RNF180: variants seen among roughly 807,000 people sequenced by gnomAD.
RNF180 encodes the protein E3 ubiquitin-protein ligase RNF180.
In RNF180, 38 loss-of-function variants were observed where a neutral mutation model predicts 59.2. The ratio of observed to expected loss-of-function variants is 0.64; its 90% CI spans 0.50 to 0.84. RNF180 has a LOEUF of 0.84. RNF180 is among the 40% of genes least tolerant of loss of function. The probability of loss-of-function intolerance (pLI) is 0.00; values close to 1 mark genes in which losing one functional copy is unlikely to be tolerated. For missense variants in RNF180, 705 were observed against 700.9 expected (o/e 1.01, Z -0.07); for synonymous variants, 262 against 240.3 (o/e 1.09, Z -0.84).
intron 1 of RNF180, among the ~76,000 whole-genome samples, chr5:64,179,510 G>A (rs931435781): frequency 5.3e-5 from 8 of 151,940 alleles, no homozygotes; most frequent in African/African-American, 1.9e-4. Context: ...ATCTTACTGT[G>A]CTGTGTTATT....
At chr5:64,207,642 G>A (rs1029957969) in intron 2 of RNF180, among the ~76,000 whole-genome samples, 1 of 152,074 alleles carries the variant, frequency 6.6e-6, no homozygotes, top group African/African-American at 2.4e-5. Flanking sequence ...GAATTAGAAA[G>A]GTACCAAGAA....
chr5:64,271,745 C>G (rs1408310949), intron 5 of RNF180, among the ~76,000 whole-genome samples: 1 of 148,232 alleles, frequency 6.7e-6, no homozygotes, highest in Non-Finnish European at 1.5e-5. Context: ...TTGTGCTTTT[C>G]TAGGAATTTT....
At chr5:64,291,367 G>A (rs1176815959) in intron 5 of RNF180, among the ~76,000 whole-genome samples, 1 of 150,366 alleles carries the variant, frequency 6.7e-6, no homozygotes, top group Non-Finnish European at 1.5e-5. Context: ...TGGAATGTTG[G>A]CCTTCTTGTT....
intron 1 of RNF180, among the ~76,000 whole-genome samples, chr5:64,182,081 T>C (rs959315973): frequency 6.8e-6 from 1 of 148,084 alleles, no homozygotes; most frequent in Non-Finnish European, 1.5e-5. Flanking sequence ...AGCTCCGCCT[T>C]CCAGGTTCAC....
chr5:64,215,650 T>C (rs966534455), intron 4 of RNF180, among the ~76,000 whole-genome samples: 1 of 152,060 alleles, frequency 6.6e-6, no homozygotes, highest in African/African-American at 2.4e-5. Flanking sequence ...TACTTCATAG[T>C]TTAACTTAAA....
intron 3 of RNF180, among the ~76,000 whole-genome samples, chr5:64,213,158 A>G (rs1245713188): frequency 6.6e-6 from 1 of 152,192 alleles, no homozygotes; most frequent in Non-Finnish European, 1.5e-5. Context: ...CTTGGTATGC[A>G]AGAAGTGTAT....
intron 5 of RNF180, among the ~76,000 whole-genome samples, chr5:64,239,404 T>C (rs771672947): frequency 7.2e-5 from 11 of 152,212 alleles, no homozygotes; most frequent in Non-Finnish European, 1.2e-4. Flanking sequence ...TTGCTCCTAG[T>C]AGTAATTGCT....
intron 7 of RNF180, among the ~76,000 whole-genome samples, chr5:64,339,872 T>C (rs1384940492): frequency 6.6e-6 from 1 of 152,146 alleles, no homozygotes; most frequent in Non-Finnish European, 1.5e-5. Flanking sequence ...TTTTTTCTTC[T>C]TACAAATACA....
At chr5:64,231,643 G>A (rs1181346495) in intron 5 of RNF180, among the ~76,000 whole-genome samples, 1 of 152,196 alleles carries the variant, frequency 6.6e-6, no homozygotes, top group Non-Finnish European at 1.5e-5. Context: ...AATAGTTTGG[G>A]GAATAGTGTA....
intron 5 of RNF180, among the ~76,000 whole-genome samples, chr5:64,301,318 A>G (rs1373971328): frequency 6.6e-6 from 1 of 151,782 alleles, no homozygotes; most frequent in Admixed American, 6.6e-5. Flanking sequence ...TATGAACCTT[A>G]TCTCAAAGGA....
At chr5:64,350,214 C>T (rs1229039389) in intron 7 of RNF180, among the ~76,000 whole-genome samples, 2 of 152,220 alleles carry the variant, frequency 1.3e-5, no homozygotes, top group South Asian at 4.1e-4. Context: ...TAAATGTCTT[C>T]TTTTGAGAAG....
intron 5 of RNF180, among the ~76,000 whole-genome samples, chr5:64,220,012 CAT>C (rs1233500022): frequency 6.6e-6 from 1 of 152,096 alleles, no homozygotes; most frequent in Admixed American, 6.6e-5. Context: ...GTCAAAATTA[CAT>C]GTTTAACATT....
intron 1 of RNF180, among the ~76,000 whole-genome samples, chr5:64,172,052 T>A (rs766211278): frequency 1.3e-5 from 2 of 152,204 alleles, no homozygotes; most frequent in Non-Finnish European, 2.9e-5. Context: ...CAGTAATGTC[T>A]TTGGGCATCA....
At chr5:64,359,692 A>G (rs1746169415) in intron 7 of RNF180, among the ~76,000 whole-genome samples, 2 of 151,634 alleles carry the variant, frequency 1.3e-5, no homozygotes, top group Non-Finnish European at 2.9e-5. Flanking sequence ...TTGGTGTTTT[A>G]GACATGAAGT....
At chr5:64,206,076 G>A (rs1446016507) in intron 2 of RNF180, among the ~76,000 whole-genome samples, 1 of 152,168 alleles carries the variant, frequency 6.6e-6, no homozygotes, top group African/African-American at 2.4e-5. Flanking sequence ...AATTCTAGAG[G>A]GAGCTAGTTT....
intron 5 of RNF180, among the ~76,000 whole-genome samples, chr5:64,295,795 A>T (rs1742855885): frequency 6.6e-6 from 1 of 152,068 alleles, no homozygotes; most frequent in Non-Finnish European, 1.5e-5. Context: ...TTGAAGTATG[A>T]TTTTCTCCTT....
chr5:64,269,412 G>A (rs1409617863), intron 5 of RNF180, among the ~76,000 whole-genome samples: 7 of 152,150 alleles, frequency 4.6e-5, no homozygotes. Flanking sequence ...TGATAGCTTT[G>A]TCATTGCCAG....
intron 5 of RNF180, among the ~76,000 whole-genome samples, chr5:64,236,031 T>C (rs773400745): frequency 6.6e-6 from 1 of 152,212 alleles, no homozygotes; most frequent in African/African-American, 2.4e-5. Flanking sequence ...GCTATAAAGA[T>C]AGCCTGAAAA....
chr5:64,286,210 A>G (rs556925599), intron 5 of RNF180, among the ~76,000 whole-genome samples: 221 of 152,326 alleles, frequency 1.5e-3, no homozygotes, highest in African/African-American at 4.6e-3. Flanking sequence ...TGTCATTTAG[A>G]TTAACAAGTA....
Sources: allele counts gnomAD v4.1 joint callset (sites outside exome capture counted in the v4.1 genomes callset), GRCh38; gene constraint gnomAD v4.1.1; transcripts MANE v1.5; gene names NCBI Gene and HGNC (gene_info 2026-07-23, HGNC 2026-07-21).